Variants in PLEKHH3 observed in about 807,000 individuals in gnomAD.
PLEKHH3 encodes the protein pleckstrin homology domain-containing family H member 3.
PLEKHH3 carries 57 observed loss-of-function variants against 77.8 expected under a neutral mutation model. That is an observed-to-expected ratio of 0.73 (90% CI 0.59 to 0.91). The LOEUF is 0.91. Ranked by LOEUF, PLEKHH3 falls within the 40% of genes least tolerant of loss-of-function variation. The probability of loss-of-function intolerance (pLI) is 0.00; values close to 1 mark genes in which losing one functional copy is unlikely to be tolerated. For missense variants in PLEKHH3, 1,082 were observed against 1,091.2 expected, an observed-to-expected ratio of 0.99 and a Z score of 0.12; for synonymous variants, 467 against 504.8, an observed-to-expected ratio of 0.93 and a Z score of 1.00.
Position 42,669,421 on chromosome 17 carries a change from C to T in PLEKHH3, c.2205+9G>A. 1.3e-6 allele frequency: 2 copies of T among 1,515,504 alleles called. No homozygotes were observed. Among genetic ancestry groups the T allele is most frequent in the Non-Finnish European group, 8.9e-7 (1 of 1,129,650 alleles). 93.9% of individuals were successfully genotyped at this position (1,515,504 alleles called of 1,614,324 possible). Reference sequence around the variant, plus strand: ...CTCTCCTCCTCCCACAACTCCTCTTCTCACTCACCTGGGGGCTCTGCAGGA... The same window carrying T: ...CTCTCCTCCTCCCACAACTCCTCTTTTCACTCACCTGGGGGCTCTGCAGGA... On this transcript the variant is annotated intron_variant, in intron 12 of 12. Transcript: ENST00000591022.
chr17:42,670,357 C>T lies in PLEKHH3; in HGVS notation c.1574G>A (p.Arg525Gln). ...GTCGTCGGGTGGGGGCGGCCGGCCC[C>T]GCAGCAGCAGAGCGTGAGCCTGCAG... ...LFEQAHALLL[R>Q]GRPPPPDDTL... The change falls in exon 11 of 13, where the codon CGG becomes CAG. Residue 525 changes from arginine (R) to glutamine (Q), a missense_variant. Physicochemically the swap from Arg to Gln is conservative, Grantham distance 43. Coordinates refer to ENST00000591022, the MANE Select transcript of PLEKHH3 (RefSeq NM_024927.5). 1 of 1,410,788 alleles carries T rather than the reference C, an allele frequency of 7.1e-7. No homozygotes were observed. Among genetic ancestry groups the T allele is most frequent in the African/African-American group, 1.5e-5 (1 of 66,500 alleles). 87.4% of individuals were successfully genotyped at this position (1,410,788 alleles called of 1,614,324 possible).
rs1335230292 is a variant in PLEKHH3, at chr17:42,667,953, C to A, written c.*174G>T. The A allele has an allele frequency of 1.1e-5, 5 of 446,214 alleles. No homozygotes were observed. The highest frequency in any genetic ancestry group is 1.4e-5 in the Non-Finnish European group (4 of 279,582). 27.6% of individuals were successfully genotyped at this position (446,214 alleles called of 1,614,324 possible). ...AAACTTTTTTTTTTTTTTTGCTTCT[C>A]TTCTACAAATAAATTAAGAAACAAA... On this transcript the variant is annotated 3_prime_UTR_variant, in exon 13 of 13. Coordinates refer to ENST00000591022, the MANE Select transcript of PLEKHH3 (RefSeq NM_024927.5).
chr17:42,672,470 G>A, intron 6 of PLEKHH3, 78 bp from the exon 7 acceptor site: 1 of 1,329,782 alleles, frequency 7.5e-7, no homozygotes, highest in Non-Finnish European at 1.0e-6. Context: ...CATGAACCAG[G>A]GGAAGGTCAG....
In PLEKHH3 at chr17:42,668,171, CG is replaced by C; in HGVS notation, c.2337del (p.Asp779GlufsTer35). 6.6e-7 allele frequency: 1 copy of C among 1,514,556 alleles called. No homozygotes were observed. Among genetic ancestry groups the C allele is most frequent in the South Asian group, 1.3e-5 (1 of 76,696 alleles). The allele number at this position is 1,514,556 out of a possible 1,614,324, so 93.8% of individuals were successfully genotyped here. Reference protein sequence around the residue: ...TSPPSQRPGLDEPQGQSGCLG... With the variant: ...TSPPSQRPGLXEPQGQSGCLG... ...AAGCAGCCAGACTGTCCCTGGGGCT[CG>C]TCCAGGCCCGGGCGCTGGCTGGGAG... is the stretch of plus-strand genomic sequence containing the variant. On this transcript the variant is annotated frameshift_variant, in exon 13 of 13. Coordinates refer to ENST00000591022, the MANE Select transcript of PLEKHH3 (RefSeq NM_024927.5). LOFTEE classifies it high-confidence loss of function.
Position 42,671,618 on chromosome 17 carries a change from T to G in PLEKHH3, c.1077-60A>C. On this transcript the variant is annotated intron_variant, in intron 7 of 12. Coordinates refer to ENST00000591022, the MANE Select transcript of PLEKHH3 (RefSeq NM_024927.5). This position sits in a 1 kb window ranked among gnomAD's most constrained non-coding sequence, Gnocchi z 4.7. ...AGGGCTTTCTTCTCCCCCTCCCTCT[T>G]GCCTGCTTCTCTTATAGTTTATTTT... 1.3e-6 allele frequency: 2 copies of G among 1,486,110 alleles called. No homozygotes were observed. The highest frequency in any genetic ancestry group is 2.5e-5 in the South Asian group (2 of 78,710). 92.1% of individuals were successfully genotyped at this position (1,486,110 alleles called of 1,614,324 possible).
rs1397796906 is a variant in PLEKHH3, at chr17:42,668,138, G to A, written c.2371C>T (p.Leu791=). The A allele has an allele frequency of 6.9e-7, 1 of 1,456,018 alleles. No homozygotes were observed. The highest frequency in any genetic ancestry group is 2.7e-5 in the East Asian group (1 of 37,400). 90.2% of individuals were successfully genotyped at this position (1,456,018 alleles called of 1,614,324 possible). Residue 791 remains leucine, a synonymous_variant, in exon 13 of 13, where the codon CTG becomes TTG. Transcript: ENST00000591022. The part of the protein sequence containing the change: ...PQGQSGCLGQ[L]QD ...ACCTCTTGGCAGGCTCAGTCCTGCA[G>A]CTGCCCCAAGCAGCCAGACTGTCCC...
intron 4 of PLEKHH3, 24 bp downstream of exon 4, chr17:42,673,619 A>G: frequency 6.3e-7 from 1 of 1,599,414 alleles, no homozygotes; most frequent in Non-Finnish European, 8.5e-7. Flanking sequence ...CTAGGAAGGT[A>G]GGAGAGTCCC....
In PLEKHH3 at chr17:42,674,337, G is replaced by C. The variant is rs1284776972; in HGVS notation, c.218+17C>G. 3 of 1,560,036 alleles carry C rather than the reference G, an allele frequency of 1.9e-6. No individual in the cohort carries two copies. The highest frequency in any genetic ancestry group is 2.6e-6 in the Non-Finnish European group (3 of 1,155,046). On this transcript the variant is annotated intron_variant, in intron 2 of 12. Coordinates refer to ENST00000591022, the MANE Select transcript of PLEKHH3 (RefSeq NM_024927.5). ...TGCTGGGGTCGCCAGACTATGGGACGTAGGGGCGTAGCTCACCTGTTGGAG... is the reference window on the plus strand; with the variant it reads ...TGCTGGGGTCGCCAGACTATGGGACCTAGGGGCGTAGCTCACCTGTTGGAG...
chr17:42,673,513 G>T lies in PLEKHH3; in HGVS notation c.534C>A (p.Arg178=), dbSNP rs1463566162. 3 of 1,604,770 alleles carry T rather than the reference G, an allele frequency of 1.9e-6. No individual in the cohort carries two copies. Among genetic ancestry groups the T allele is most frequent in the Non-Finnish European group, 2.6e-6 (3 of 1,176,370 alleles). ...CCTCTGCCTGGCGTGGGGAGCAGAG[G>T]CGGACACTGTGTTTCCGACCAGACA... ...VTVSGRKHSV[R]LCSPRQAEAE... Residue 178 remains arginine (R), a synonymous_variant, in exon 5 of 13, where the codon CGC becomes CGA. Coordinates refer to ENST00000591022, the MANE Select transcript of PLEKHH3 (RefSeq NM_024927.5).
chr17:42,668,201 A>G lies in PLEKHH3; in HGVS notation c.2308T>C (p.Ser770Pro), dbSNP rs202143000. ...SPPCQDLPDTSPPSQRPGLDE... is the reference protein window; with the variant it reads ...SPPCQDLPDTPPPSQRPGLDE... Reference sequence around the variant, plus strand: ...AGGCCCGGGCGCTGGCTGGGAGGGGAGGTGTCTGGCAGGTCTTGGCATGGA... The same window carrying G: ...AGGCCCGGGCGCTGGCTGGGAGGGGGGGTGTCTGGCAGGTCTTGGCATGGA... Residue 770 changes from serine (S) to proline (P), a missense_variant, in exon 13 of 13, where the codon TCC becomes CCC. Ser to Pro is a moderately conservative substitution (Grantham distance 74). Transcript: ENST00000591022. The G allele has an allele frequency of 1.8e-4, 278 of 1,552,680 alleles. 4 individuals are homozygous for G. The East Asian group carries it at 6.9e-3, about 39-fold the overall frequency.
At position 42,673,443 on chromosome 17, in the gene PLEKHH3, C is replaced by A. The variant is rs763911077; in HGVS notation, c.604G>T (p.Ala202Ser). 6.2e-7 allele frequency: 1 copy of A among 1,613,256 alleles called. No individual in the cohort carries two copies. The highest frequency in any genetic ancestry group is 8.5e-7 in the Non-Finnish European group (1 of 1,179,890). ...AGCTGGGTGGGGGTCTCCAGGGGTGCCTTGGAGGCGATCACTTCCCGCAAT... is the reference window on the plus strand; with the variant it reads ...AGCTGGGTGGGGGTCTCCAGGGGTGACTTGGAGGCGATCACTTCCCGCAAT... The part of the protein sequence containing the change: ...VALREVIASK[A>S]PLETPTQLLL... Residue 202 changes from alanine (A) to serine (S), a missense_variant, in exon 5 of 13, where the codon GCA becomes TCA. Physicochemically the swap from Ala to Ser is moderately conservative, Grantham distance 99. Transcript: ENST00000591022.
At chr17:42,674,212 GC>G (rs1255675441) in intron 2 of PLEKHH3, 141 bp downstream of exon 2, 19 of 1,160,956 alleles carry the variant, frequency 1.6e-5, no homozygotes, top group Non-Finnish European at 2.0e-5. Flanking sequence ...CAGCCGGACC[GC>G]CCCCCGGGAC....
chr17:42,676,450 G>A lies in PLEKHH3; in HGVS notation c.114C>T (p.Asp38=). 1 of 1,613,128 alleles carries A rather than the reference G, an allele frequency of 6.2e-7. No homozygotes were observed. Among genetic ancestry groups the A allele is most frequent in the Non-Finnish European group, 8.5e-7 (1 of 1,179,864 alleles). The change falls in exon 1 of 13, where the codon GAC becomes GAT. Residue 38 remains aspartate, a synonymous_variant. Transcript: ENST00000591022. The surrounding 1 kb of genome is among the most constrained non-coding windows in gnomAD (Gnocchi z 6.6). The part of the protein sequence containing the change: ...ELSGDGDEDE[D]EETFELRTPS... ...GGGTCCGCAGCTCAAAGGTTTCCTCGTCCTCGTCCTCGTCCCCGTCCCCGC... is the reference window on the plus strand; with the variant it reads ...GGGTCCGCAGCTCAAAGGTTTCCTCATCCTCGTCCTCGTCCCCGTCCCCGC...
intron 2 of PLEKHH3, 100 bp from the exon 3 acceptor site, chr17:42,674,113 G>A: frequency 3.1e-6 from 4 of 1,299,018 alleles, no homozygotes; most frequent in Non-Finnish European, 3.2e-6. Flanking sequence ...CCCAAGCTGG[G>A]CACCCCTCCC....
intron 3 of PLEKHH3, 45 bp from the exon 4 acceptor site, chr17:42,673,879 A>T (rs777352079): frequency 2.5e-6 from 4 of 1,588,598 alleles, no homozygotes; most frequent in African/African-American, 1.4e-5. Context: ...AGAGACATTA[A>T]TCCCTAGGGG....
intron 6 of PLEKHH3, among the ~76,000 whole-genome samples, chr17:42,672,651 G>A (rs2052729356): frequency 6.6e-6 from 1 of 152,076 alleles, no homozygotes; most frequent in Non-Finnish European, 1.5e-5. Flanking sequence ...CGGCCGGGAA[G>A]GGCTGTAGAT....
At position 42,676,255 on chromosome 17, in the gene PLEKHH3, C is replaced by CG; in HGVS notation, c.162+146dup. 1 of 1,421,902 alleles carries CG rather than the reference C, an allele frequency of 7.0e-7. No homozygotes were observed. The highest frequency in any genetic ancestry group is 9.3e-7 in the Non-Finnish European group (1 of 1,077,338). The allele number at this position is 1,421,902 out of a possible 1,614,324, so 88.1% of individuals were successfully genotyped here. On this transcript the variant is annotated intron_variant, in intron 1 of 12. Coordinates refer to ENST00000591022, the MANE Select transcript of PLEKHH3 (RefSeq NM_024927.5). This position sits in a 1 kb window ranked among gnomAD's most constrained non-coding sequence, Gnocchi z 6.6. ...GTAGGGCTGCTGCTCCGAGAGCTCC[C>CG]GGGGGCTTTGGCCCCCAGGCAAAAA...
intron 1 of PLEKHH3, chr17:42,675,783 G>T: frequency 1.3e-6 from 1 of 789,448 alleles, no homozygotes; most frequent in Non-Finnish European, 1.5e-6. Context: ...CCAGGCAGCA[G>T]CCCAGTGTCC....
chr17:42,672,210 G>T lies in PLEKHH3; in HGVS notation c.952C>A (p.Pro318Thr), dbSNP rs1410792409. Reference protein sequence around the residue: ...LAKQTSGPAGPPGLPATQDPA... With the variant: ...LAKQTSGPAGTPGLPATQDPA... ...TCTTGGGTAGCCGGGAGCCCGGGGG[G>T]ACCTGCAGGGCCCGAGGTCTGCTTA... The change falls in exon 7 of 13, where the codon CCC becomes ACC. Residue 318 changes from proline (P) to threonine (T), a missense_variant. Coordinates refer to ENST00000591022, the MANE Select transcript of PLEKHH3 (RefSeq NM_024927.5). The T allele has an allele frequency of 1.3e-6, 2 of 1,551,110 alleles. No homozygotes were observed. Among genetic ancestry groups the T allele is most frequent in the African/African-American group, 1.4e-5 (1 of 73,080 alleles).
Sources: gnomAD v4.1 joint callset for allele counts (sites outside exome capture counted in the v4.1 genomes callset) on GRCh38, gnomAD v4.1.1 for gene constraint, Gnocchi (gnomAD v3.1) non-coding constraint, MANE v1.5 for transcripts, NCBI Gene and HGNC (gene_info 2026-07-23, HGNC 2026-07-21) for gene names.